The following SAMD12 variants were observed in gnomAD, a reference collection of about 807,000 sequenced individuals.
The protein encoded by SAMD12 is sterile alpha motif domain containing 12.
SAMD12 carries 9 observed loss-of-function variants against 15.0 expected under a neutral mutation model. The ratio of observed to expected loss-of-function variants is 0.60; its 90% CI spans 0.36 to 1.05. The LOEUF is 1.05. SAMD12 is among the 50% of genes least tolerant of loss of function. The pLI is 0.01. For synonymous variants in SAMD12, 86 were observed against 90.1 expected (o/e 0.96, Z 0.25); for missense variants, 230 against 234.2 (o/e 0.98, Z 0.12).
At chr8:118,190,549 G>A (rs1411730194) in exon 5 of SAMD12, 3 of 152,002 alleles carry the variant, frequency 2.0e-5, no homozygotes, top group Admixed American at 6.6e-5. Flanking sequence ...GTAAAATGCT[G>A]ATTGTTACTT....
intron 3 of SAMD12, among the ~76,000 whole-genome samples, chr8:118,425,353 T>C (rs561317273): frequency 6.6e-6 from 1 of 152,152 alleles, no homozygotes; most frequent in South Asian, 2.1e-4. Flanking sequence ...AAAAATAAAC[T>C]GACAGAGTAA....
At chr8:118,484,624 A>G (rs945547508) in intron 2 of SAMD12, among the ~76,000 whole-genome samples, 1 of 152,136 alleles carries the variant, frequency 6.6e-6, no homozygotes, top group African/African-American at 2.4e-5. Context: ...GTGATTAAAA[A>G]ATACCACTGT....
intron 4 of SAMD12, among the ~76,000 whole-genome samples, chr8:118,352,038 G>C (rs1488996448): frequency 6.6e-6 from 1 of 152,178 alleles, no homozygotes; most frequent in East Asian, 1.9e-4. Context: ...GCAACCACAA[G>C]AATCCTAACT....
At chr8:118,447,704 A>ATT (rs1822957519) in intron 2 of SAMD12, among the ~76,000 whole-genome samples, 1 of 138,258 alleles carries the variant, frequency 7.2e-6, no homozygotes, top group African/African-American at 2.7e-5. Context: ...TTTATTTTTA[A>ATT]TATTTATTTA....
At chr8:118,463,935 C>T (rs181092154) in intron 2 of SAMD12, among the ~76,000 whole-genome samples, 101 of 152,206 alleles carry the variant, frequency 6.6e-4, no homozygotes, top group African/African-American at 2.4e-3. Context: ...ACTGGATCAA[C>T]CTCTGACTCG....
At chr8:118,362,458 T>TA (rs566212583) in intron 4 of SAMD12, among the ~76,000 whole-genome samples, 4 of 152,256 alleles carry the variant, frequency 2.6e-5, no homozygotes, top group Non-Finnish European at 5.9e-5. Context: ...TACATAGACA[T>TA]AAGGATAAAT....
exon 5 of SAMD12, chr8:118,197,006 C>T (rs1819583767): frequency 6.6e-6 from 1 of 151,920 alleles, no homozygotes; most frequent in South Asian, 2.1e-4. Context: ...AGTATTGTGG[C>T]CATATTTACA....
chr8:118,175,055 A>AC, the SAMD12 span, among the ~76,000 whole-genome samples: 7,149 of 151,462 alleles, frequency 0.047, 577 homozygotes, highest in African/African-American at 0.16. Context: ...AAACAAAAAA[A>AC]ACAAACAAAA....
At chr8:118,473,753 T>A (rs1823876751) in intron 2 of SAMD12, among the ~76,000 whole-genome samples, 1 of 152,186 alleles carries the variant, frequency 6.6e-6, no homozygotes, top group Admixed American at 6.5e-5. Flanking sequence ...TTGCTCTCAC[T>A]GCTGTCTCTA....
chr8:118,604,601 G>C (rs1234392922), intron 1 of SAMD12, among the ~76,000 whole-genome samples: 4 of 152,174 alleles, frequency 2.6e-5, no homozygotes. Flanking sequence ...GGAAAACCTT[G>C]TTAAAATAAT....
intron 2 of SAMD12, among the ~76,000 whole-genome samples, chr8:118,453,115 A>AT (rs1219582309): frequency 1.3e-5 from 2 of 152,140 alleles, no homozygotes; most frequent in Non-Finnish European, 2.9e-5. Flanking sequence ...TTTTCCTATA[A>AT]TTGTTCCTTG....
chr8:118,435,057 C>T lies in SAMD12; in HGVS notation c.322+4775G>A, dbSNP rs1822538598. ...GGCGGAGCTTGCAGTGAGCCGAGAT[C>T]CCGCCACTGCACTCCAGCCTGGGCG... On this transcript the variant is annotated intron_variant, in intron 3 of 3. Transcript: ENST00000314727. Among the ~76,000 whole-genome samples the T allele has an allele frequency of 1.5e-5, 2 of 135,262 alleles. 1 individual carries two copies. The highest frequency in any genetic ancestry group is 1.6e-4 in the Admixed American group (2 of 12,464). 88.7% of individuals were successfully genotyped at this position (135,262 alleles called of 152,430 possible). A position where few individuals can be genotyped will look rare whatever the true frequency, so the allele number is the denominator to read the frequency against.
chr8:118,408,476 C>T (rs1361808490), intron 3 of SAMD12, among the ~76,000 whole-genome samples: 3 of 152,116 alleles, frequency 2.0e-5, no homozygotes, highest in African/African-American at 2.4e-5. Flanking sequence ...TGCTTTGGGT[C>T]GGAGGTGGAC....
intron 3 of SAMD12, among the ~76,000 whole-genome samples, chr8:118,395,783 C>T (rs150721657): frequency 0.011 from 1,597 of 152,030 alleles, 29 homozygotes; most frequent in African/African-American, 0.036. Flanking sequence ...ACGGTGAAAC[C>T]CCATCTCTAC....
intron 4 of SAMD12, among the ~76,000 whole-genome samples, chr8:118,298,558 TAC>T (rs1814849181): frequency 3.3e-5 from 5 of 152,224 alleles, no homozygotes; most frequent in Admixed American, 3.3e-4. Context: ...TTGCAGCATT[TAC>T]ACTTTTTAAA....
intron 4 of SAMD12, among the ~76,000 whole-genome samples, chr8:118,293,436 G>T (rs1241512775): frequency 6.6e-6 from 1 of 152,174 alleles, no homozygotes; most frequent in African/African-American, 2.4e-5. Context: ...TGGTGACACA[G>T]GCTAGGCATT....
At position 118,434,911 on chromosome 8, in the gene SAMD12, T is replaced by TA. The variant is rs1190515390; in HGVS notation, c.322+4920dup. On this transcript the variant is annotated intron_variant, in intron 3 of 3. Transcript: ENST00000314727. The stretch of plus-strand genomic sequence containing the variant: ...GTCAGGAGATCGAGACCATCCCGGC[T>TA]AAAAAAACGGTGAAACCCCGTCTCT... Among the ~76,000 whole-genome samples, 7 of 31,984 alleles carry TA rather than the reference T, an allele frequency of 2.2e-4. 3 individuals carry two copies. The highest frequency in any genetic ancestry group is 5.1e-4 in the African/African-American group (7 of 13,688). The allele number at this position is 31,984 out of a possible 152,430, so 21.0% of individuals were successfully genotyped here.
chr8:118,542,069 G>A (rs368310475), intron 2 of SAMD12, among the ~76,000 whole-genome samples: 1 of 152,158 alleles, frequency 6.6e-6, no homozygotes, highest in African/African-American at 2.4e-5. Context: ...GGCAATCCTA[G>A]AGGGTAGGCA....
At chr8:118,301,764 G>T (rs1815041621) in intron 4 of SAMD12, among the ~76,000 whole-genome samples, 1 of 152,104 alleles carries the variant, frequency 6.6e-6, no homozygotes, top group South Asian at 2.1e-4. Context: ...CAGAATAAAA[G>T]TCAACATTCT....
Sources: allele counts gnomAD v4.1 joint callset (sites outside exome capture counted in the v4.1 genomes callset), GRCh38; gene constraint gnomAD v4.1.1; transcripts MANE v1.5; gene names NCBI Gene and HGNC (gene_info 2026-07-23, HGNC 2026-07-21).